Variants in CTNNA2 observed in about 807,000 individuals in gnomAD.
CTNNA2 encodes the protein catenin alpha 2.
A neutral mutation model predicts 101.0 loss-of-function variants in CTNNA2; 42 were observed. That is an observed-to-expected ratio of 0.42 (90% CI 0.32 to 0.54). CTNNA2 has a LOEUF of 0.54. Ranked by LOEUF, CTNNA2 falls within the 20% of genes least tolerant of loss-of-function variation. CTNNA2 has a pLI of 0.14. For synonymous variants in CTNNA2, 450 were observed against 456.4 expected (o/e 0.99, Z 0.18); for missense variants, 871 against 1,223.1 (o/e 0.71, Z 4.29).
intron 12 of CTNNA2, among the ~76,000 whole-genome samples, chr2:80,569,566 G>A (rs889520403): frequency 2.7e-5 from 4 of 149,862 alleles, no homozygotes; most frequent in Non-Finnish European, 4.4e-5. Context: ...GTGAGAGGCA[G>A]AAGCAGCATC....
At chr2:79,788,780 A>G (rs1675044211) in intron 3 of CTNNA2, among the ~76,000 whole-genome samples, 1 of 152,194 alleles carries the variant, frequency 6.6e-6, no homozygotes, top group Non-Finnish European at 1.5e-5. Flanking sequence ...TTGAATACAG[A>G]TATTGCTTCC....
intron 18 of CTNNA2, among the ~76,000 whole-genome samples, chr2:80,635,779 G>C (rs1672808913): frequency 6.6e-6 from 1 of 152,096 alleles, no homozygotes; most frequent in African/African-American, 2.4e-5. Flanking sequence ...ACTGAGCTAT[G>C]TGTTGAGAAG....
At chr2:80,328,901 C>T (rs1671066837) in intron 7 of CTNNA2, among the ~76,000 whole-genome samples, 1 of 152,182 alleles carries the variant, frequency 6.6e-6, no homozygotes, top group South Asian at 2.1e-4. Flanking sequence ...ACTTGATCTG[C>T]AATGCCAATA....
At chr2:79,187,235 T>TTTTTTTTTC (rs1491579603) in intron 1 of CTNNA2, among the ~76,000 whole-genome samples, 2 of 123,412 alleles carry the variant, frequency 1.6e-5, no homozygotes, top group African/African-American at 7.0e-5. Flanking sequence ...AAGACACTTC[T>TTTTTTTTTC]TTTTCTTTTC....
chr2:80,073,457 C>T (rs554378499), intron 7 of CTNNA2, among the ~76,000 whole-genome samples: 1 of 152,102 alleles, frequency 6.6e-6, no homozygotes, highest in Non-Finnish European at 1.5e-5. Flanking sequence ...GTAGCAGCAG[C>T]TTGAGATCTT....
chr2:79,327,497 G>A (rs1417996766), intron 3 of CTNNA2, among the ~76,000 whole-genome samples: 1 of 152,132 alleles, frequency 6.6e-6, no homozygotes, highest in Non-Finnish European at 1.5e-5. Flanking sequence ...ATTGAAAAAT[G>A]AAAGAAAAAT....
chr2:80,203,179 C>A (rs1011062640), intron 7 of CTNNA2, among the ~76,000 whole-genome samples: 4 of 152,126 alleles, frequency 2.6e-5, no homozygotes, highest in African/African-American at 9.7e-5. Flanking sequence ...GGACACAGAG[C>A]CAAACTGTGT....
intron 7 of CTNNA2, among the ~76,000 whole-genome samples, chr2:80,110,220 C>T (rs1176168110): frequency 6.6e-6 from 1 of 152,168 alleles, no homozygotes; most frequent in Non-Finnish European, 1.5e-5. Context: ...AGGGCACACA[C>T]CTTGAGGTCT....
At chr2:79,798,384 T>G (rs1381110811) in intron 3 of CTNNA2, among the ~76,000 whole-genome samples, 1 of 152,170 alleles carries the variant, frequency 6.6e-6, no homozygotes, top group African/African-American at 2.4e-5. Flanking sequence ...CTCATGGATC[T>G]CCAAAATTTA....
chr2:79,806,107 A>T (rs1045363761), intron 3 of CTNNA2, among the ~76,000 whole-genome samples: 3 of 152,104 alleles, frequency 2.0e-5, no homozygotes, highest in African/African-American at 7.2e-5. Flanking sequence ...TTAGTTATAC[A>T]TTCCTCACTA....
At chr2:79,917,134 C>A (rs374085048) in intron 7 of CTNNA2, among the ~76,000 whole-genome samples, 1 of 151,456 alleles carries the variant, frequency 6.6e-6, no homozygotes, top group Admixed American at 6.6e-5. Flanking sequence ...TGGAGTGGTG[C>A]GATCTCGGCT....
chr2:80,556,435 C>G (rs1056855745), intron 12 of CTNNA2, among the ~76,000 whole-genome samples: 1 of 152,166 alleles, frequency 6.6e-6, no homozygotes, highest in Non-Finnish European at 1.5e-5. Flanking sequence ...TGGCTGCTGA[C>G]AAAGAGTTAG....
At chr2:80,035,087 A>G (rs549459195) in intron 7 of CTNNA2, among the ~76,000 whole-genome samples, 4 of 152,330 alleles carry the variant, frequency 2.6e-5, no homozygotes, top group Admixed American at 2.6e-4. Flanking sequence ...AATGAACATT[A>G]TGTAATTGAG....
At position 79,771,890 on chromosome 2, in the gene CTNNA2, A is replaced by G. The variant is rs181945386; in HGVS notation, c.298+27308A>G. ...TTGTACATTTTAAAGCTAATGCTATATAATAGTTTTATGGCTATGATCACA... is the reference window on the plus strand; with the variant it reads ...TTGTACATTTTAAAGCTAATGCTATGTAATAGTTTTATGGCTATGATCACA... On this transcript the variant is annotated intron_variant, in intron 3 of 18. Coordinates refer to ENST00000402739, the MANE Select transcript of CTNNA2 (RefSeq NM_001282597.3). Among the ~76,000 whole-genome samples the G allele has an allele frequency of 1.2e-4, 18 of 152,318 alleles. No homozygotes were observed. In the East Asian group the frequency reaches 2.7e-3, roughly 23 times the overall value.
At chr2:80,441,891 C>T (rs570021863) in intron 9 of CTNNA2, among the ~76,000 whole-genome samples, 4 of 152,186 alleles carry the variant, frequency 2.6e-5, no homozygotes, top group African/African-American at 9.6e-5. Context: ...CAAGACATGC[C>T]GAGGTGAGCC....
chr2:79,215,032 C>G (rs1284480423), intron 2 of CTNNA2, among the ~76,000 whole-genome samples: 12 of 152,006 alleles, frequency 7.9e-5, no homozygotes, highest in Admixed American at 7.9e-4. Flanking sequence ...GCTCGGCGTC[C>G]GTGATGGTCT....
At chr2:79,525,484 C>G (rs1470464793) in intron 1 of CTNNA2, among the ~76,000 whole-genome samples, 2 of 151,882 alleles carry the variant, frequency 1.3e-5, no homozygotes, top group Non-Finnish European at 2.9e-5. Flanking sequence ...TCTTAAAACC[C>G]TGTGAGCCAT....
At chr2:80,483,526 C>T (rs1686311947) in intron 9 of CTNNA2, among the ~76,000 whole-genome samples, 1 of 152,030 alleles carries the variant, frequency 6.6e-6, no homozygotes, top group Admixed American at 6.6e-5. Flanking sequence ...GTACCAGGCA[C>T]TGTGTTGGGC....
chr2:79,546,161 T>A (rs1428151293), intron 1 of CTNNA2, among the ~76,000 whole-genome samples: 1 of 152,158 alleles, frequency 6.6e-6, no homozygotes, highest in Non-Finnish European at 1.5e-5. Flanking sequence ...TTTGTTTTTT[T>A]CATGTGAGCA....
Sources: allele counts gnomAD v4.1 joint callset (sites outside exome capture counted in the v4.1 genomes callset), GRCh38; gene constraint gnomAD v4.1.1; transcripts MANE v1.5; gene names NCBI Gene and HGNC (gene_info 2026-07-23, HGNC 2026-07-21).